RGS5: variants seen among roughly 807,000 people sequenced by gnomAD.
RGS5 encodes regulator of G-protein signalling 5.
A neutral mutation model predicts 18.9 loss-of-function variants in RGS5; 20 were observed. The observed-to-expected ratio is 1.06, with a 90% CI of 0.74 to 1.54. RGS5 has a LOEUF of 1.54. RGS5 is among the 40% of genes most tolerant of loss of function. The pLI is 0.00. For missense variants in RGS5, 201 were observed against 211.8 expected (o/e 0.95, Z 0.32); for synonymous variants, 57 against 76.2 (o/e 0.75, Z 1.31).
chr1:163,281,135 G>C (rs1350303848), intron 2 of RGS5, among the ~76,000 whole-genome samples: 3 of 152,062 alleles, frequency 2.0e-5, no homozygotes, highest in Non-Finnish European at 2.9e-5. Context: ...CCTGCTGTCT[G>C]TCATCCATGT....
In RGS5 at chr1:163,160,284, C is replaced by A. The variant is rs569837605; in HGVS notation, c.217+1631G>T. Among the ~76,000 whole-genome samples the A allele has an allele frequency of 1.7e-3, 257 of 152,286 alleles. 2 individuals are homozygous for A. The highest frequency in any genetic ancestry group is 2.9e-3 in the Non-Finnish European group (194 of 68,022). ...TTGACAATAGCAATAAATACCTGTG[C>A]TCAGAGTACTAGTATTCATAATTTA... is the stretch of plus-strand genomic sequence containing the variant. On this transcript the variant is annotated intron_variant, in intron 3 of 4. Coordinates refer to ENST00000313961, the MANE Select transcript of RGS5 (RefSeq NM_003617.4).
chr1:163,248,296 T>G (rs1647999431), intron 2 of RGS5: 1 of 152,170 alleles, frequency 6.6e-6, no homozygotes, highest in Non-Finnish European at 1.5e-5. Flanking sequence ...CAAAGACTCC[T>G]GTTGTTTATC....
At chr1:163,197,534 A>T (rs1659612282) in intron 1 of RGS5, among the ~76,000 whole-genome samples, 1 of 152,130 alleles carries the variant, frequency 6.6e-6, no homozygotes, top group African/African-American at 2.4e-5. Context: ...TTAAATTTCC[A>T]TGGGAGCAGG....
upstream of RGS5, among the ~76,000 whole-genome samples, chr1:163,205,053 T>C (rs1659910186): frequency 6.6e-6 from 1 of 152,140 alleles, no homozygotes; most frequent in Non-Finnish European, 1.5e-5. Context: ...TAATGTTAAA[T>C]CCAACACTTA....
intron 2 of RGS5, among the ~76,000 whole-genome samples, chr1:163,228,260 T>A (rs1022189379): frequency 1.3e-5 from 2 of 152,220 alleles, no homozygotes; most frequent in African/African-American, 2.4e-5. Flanking sequence ...TGCCTGTACA[T>A]CCAGGCATTT....
chr1:163,181,893 T>C (rs1658864980), intron 1 of RGS5, among the ~76,000 whole-genome samples: 1 of 152,152 alleles, frequency 6.6e-6, no homozygotes, highest in African/African-American at 2.4e-5. Flanking sequence ...ATTGGACAAA[T>C]TAAATTCCAA....
intron 1 of RGS5, among the ~76,000 whole-genome samples, chr1:163,307,553 G>A (rs534267801): frequency 2.0e-5 from 3 of 152,128 alleles, no homozygotes; most frequent in South Asian, 4.1e-4. Flanking sequence ...ACAGAGAAGC[G>A]TGCGGATTAG....
chr1:163,266,144 T>C (rs2101708915), intron 2 of RGS5, among the ~76,000 whole-genome samples: 2 of 152,216 alleles, frequency 1.3e-5, no homozygotes, highest in South Asian at 4.1e-4. Context: ...GCTCCTGTTT[T>C]TATTACAACC....
intron 2 of RGS5, among the ~76,000 whole-genome samples, chr1:163,286,904 C>T (rs1004779118): frequency 6.6e-6 from 1 of 151,906 alleles, no homozygotes; most frequent in African/African-American, 2.4e-5. Context: ...ATACATATTC[C>T]CTGTGCTGTT....
intron 2 of RGS5, among the ~76,000 whole-genome samples, chr1:163,295,126 A>T (rs1649390745): frequency 6.6e-6 from 1 of 151,510 alleles, no homozygotes; most frequent in Admixed American, 6.6e-5. Flanking sequence ...AGCCCTCCAA[A>T]CTCCTCCAAT....
intron 3 of RGS5, among the ~76,000 whole-genome samples, chr1:163,160,940 T>C (rs934800570): frequency 2.6e-5 from 4 of 152,196 alleles, no homozygotes; most frequent in Non-Finnish European, 5.9e-5. Flanking sequence ...TTCTTGCCCG[T>C]TTGTGAGTTT....
intron 1 of RGS5, among the ~76,000 whole-genome samples, chr1:163,317,527 T>C (rs1463879688): frequency 6.6e-6 from 1 of 152,234 alleles, no homozygotes; most frequent in Non-Finnish European, 1.5e-5. Flanking sequence ...ATCTCCTAAC[T>C]GGTTTCCTTC....
At chr1:163,248,677 A>C (rs1042886350) in intron 2 of RGS5, 4 of 152,164 alleles carry the variant, frequency 2.6e-5, no homozygotes, top group African/African-American at 9.7e-5. Context: ...GGTGCTAATA[A>C]CTTGTCTTCT....
intron 2 of RGS5, among the ~76,000 whole-genome samples, chr1:163,298,212 T>TA (rs1649470146): frequency 1.3e-5 from 2 of 152,120 alleles, no homozygotes; most frequent in African/African-American, 4.8e-5. Flanking sequence ...TTTGGAGTGA[T>TA]AGAGAAGACA....
At chr1:163,222,560 G>C (rs1312554610), upstream of RGS5, among the ~76,000 whole-genome samples, 2 of 152,058 alleles carry the variant, frequency 1.3e-5, no homozygotes, top group Non-Finnish European at 2.9e-5. Flanking sequence ...AAAGGATCTG[G>C]GTTCTCCTTT....
rs1349142745 is a variant in RGS5 at position 163,152,577 on chromosome 1, T to C, written c.357A>G (p.Glu119=). ...MAEKAKQIYE[E]FIQTEAPKEV... is the part of the protein sequence containing the mutation. ...CTTTAGGAGCCTCCGTTTGAATGAA[T>C]TCTTCATAAATTTGCTTTGCCTTCT... The change falls in exon 4 of 5, where the codon GAA becomes GAG. Residue 119 remains glutamate (E), a synonymous_variant. Transcript: ENST00000313961. 9.9e-6 allele frequency: 16 copies of C among 1,612,716 alleles called. No homozygotes were observed. Among genetic ancestry groups the C allele is most frequent in the Non-Finnish European group, 1.4e-5 (16 of 1,179,258 alleles).
chr1:163,259,228 T>C (rs1399092954), intron 2 of RGS5, among the ~76,000 whole-genome samples: 1 of 151,970 alleles, frequency 6.6e-6, no homozygotes, highest in East Asian at 1.9e-4. Context: ...CTCGGCTCAC[T>C]GCAAGCTCCA....
At chr1:163,155,635 C>T (rs886510895) in intron 3 of RGS5, among the ~76,000 whole-genome samples, 9 of 152,142 alleles carry the variant, frequency 5.9e-5, no homozygotes, top group African/African-American at 1.7e-4. Flanking sequence ...ATCACCCCTG[C>T]GGACAACCTA....
chr1:163,189,365 G>A (rs1026472775), intron 1 of RGS5, among the ~76,000 whole-genome samples: 2 of 152,122 alleles, frequency 1.3e-5, no homozygotes, highest in Non-Finnish European at 2.9e-5. Flanking sequence ...TCCCAACAAG[G>A]TAAAAATGTT....
Sources: gnomAD v4.1 joint callset for allele counts (sites outside exome capture counted in the v4.1 genomes callset) on GRCh38, gnomAD v4.1.1 for gene constraint, MANE v1.5 for transcripts, NCBI Gene and HGNC (gene_info 2026-07-23, HGNC 2026-07-21) for gene names.